The following GUCY1A2 variants were observed in gnomAD, a reference collection of about 807,000 sequenced individuals.
GUCY1A2 encodes the protein guanylate cyclase 1 soluble subunit alpha 2, also known as guanylate cyclase soluble subunit alpha-2.
In GUCY1A2, 27 loss-of-function variants were observed where a neutral mutation model predicts 63.5. The ratio of observed to expected loss-of-function variants is 0.43; its 90% CI spans 0.31 to 0.59. GUCY1A2 has a LOEUF of 0.59. Among genes scored for constraint, GUCY1A2 ranks in the 20% least tolerant of loss-of-function variants. The pLI is 0.11. For synonymous variants in GUCY1A2, 364 were observed against 343.5 expected (o/e 1.06, Z -0.66); for missense variants, 768 against 913.3 (o/e 0.84, Z 2.05).
chr11:106,812,262 C>T (rs1446893073), intron 4 of GUCY1A2, among the ~76,000 whole-genome samples: 1 of 151,892 alleles, frequency 6.6e-6, no homozygotes, highest in African/African-American at 2.4e-5. Context: ...ATGATAACAT[C>T]TGATACTCAT....
At chr11:107,008,714 T>C (rs987722390) in intron 1 of GUCY1A2, among the ~76,000 whole-genome samples, 1 of 152,152 alleles carries the variant, frequency 6.6e-6, no homozygotes, top group African/African-American at 2.4e-5. Context: ...ATAAGTCCCA[T>C]AATGGAGATG....
At chr11:106,823,691 A>G (rs1177876882) in intron 4 of GUCY1A2, among the ~76,000 whole-genome samples, 1 of 152,116 alleles carries the variant, frequency 6.6e-6, no homozygotes, top group East Asian at 1.9e-4. Flanking sequence ...ATTCCCACCA[A>G]CAGTGTGTTC....
At chr11:106,890,756 A>T (rs925393111) in intron 4 of GUCY1A2, among the ~76,000 whole-genome samples, 1 of 152,170 alleles carries the variant, frequency 6.6e-6, no homozygotes, top group African/African-American at 2.4e-5. Flanking sequence ...AATATCATTT[A>T]AAAAACATTA....
At chr11:106,789,116 T>C (rs1411579887) in intron 5 of GUCY1A2, among the ~76,000 whole-genome samples, 1 of 152,218 alleles carries the variant, frequency 6.6e-6, no homozygotes, top group Non-Finnish European at 1.5e-5. Flanking sequence ...ATTTCTTGAA[T>C]CAATGTTATA....
At chr11:106,765,185 A>T (rs922214081) in intron 6 of GUCY1A2, among the ~76,000 whole-genome samples, 6 of 152,044 alleles carry the variant, frequency 3.9e-5, no homozygotes, top group Non-Finnish European at 8.8e-5. Flanking sequence ...TGTCAAGCTA[A>T]CCCCTACCAC....
chr11:106,881,192 G>A (rs945938606), intron 4 of GUCY1A2, among the ~76,000 whole-genome samples: 9 of 152,020 alleles, frequency 5.9e-5, no homozygotes, highest in Middle Eastern at 3.4e-3. Context: ...TTGGAAGTCC[G>A]TCCTATAATA....
chr11:106,871,897 A>T (rs891159743), intron 4 of GUCY1A2, among the ~76,000 whole-genome samples: 2 of 152,198 alleles, frequency 1.3e-5, no homozygotes, highest in Non-Finnish European at 2.9e-5. Flanking sequence ...AGGTGAATTA[A>T]ACTAATTAGT....
At chr11:106,953,110 T>A (rs566405232) in intron 3 of GUCY1A2, among the ~76,000 whole-genome samples, 5 of 152,278 alleles carry the variant, frequency 3.3e-5, no homozygotes, top group South Asian at 4.1e-4. Context: ...CTTGTACCAG[T>A]TTTTAAAGGA....
chr11:106,909,940 A>G (rs1267644726), intron 4 of GUCY1A2, among the ~76,000 whole-genome samples: 2 of 151,942 alleles, frequency 1.3e-5, no homozygotes, highest in Non-Finnish European at 2.9e-5. Context: ...TGGTCTTTGG[A>G]AGGTAAATTG....
In GUCY1A2 at chr11:106,682,575, AC is replaced by A. The variant is rs1862450230; in HGVS notation, c.*4973del. Reference sequence around the variant, plus strand: ...GATGGCAATGAGGTACTTAACTGAAACCGTGATCTGGTTATAACATATTAGA... The same window carrying A: ...GATGGCAATGAGGTACTTAACTGAAACGTGATCTGGTTATAACATATTAGA... On this transcript the variant is annotated 3_prime_UTR_variant, in exon 8 of 8. Coordinates refer to ENST00000526355, the MANE Select transcript of GUCY1A2 (RefSeq NM_000855.3). 1 of 212,614 alleles carries A rather than the reference AC, an allele frequency of 4.7e-6. No homozygotes were observed. Among genetic ancestry groups the A allele is most frequent in the East Asian group, 7.0e-5 (1 of 14,242 alleles). 13.2% of individuals were successfully genotyped at this position (212,614 alleles called of 1,614,324 possible).
chr11:106,733,227 T>G (rs1164459820), intron 6 of GUCY1A2, among the ~76,000 whole-genome samples: 1 of 152,180 alleles, frequency 6.6e-6, no homozygotes, highest in Non-Finnish European at 1.5e-5. Flanking sequence ...ATGAATCTTT[T>G]TTAGTTAGAT....
At chr11:106,796,362 G>A (rs1864760386) in intron 5 of GUCY1A2, among the ~76,000 whole-genome samples, 1 of 152,130 alleles carries the variant, frequency 6.6e-6, no homozygotes. Context: ...AATTTAGCTG[G>A]TTATTTTGCT....
In GUCY1A2 at chr11:106,680,525, A is replaced by T. The variant is rs1424520618; in HGVS notation, c.*7024T>A. ...TAAGTCTAATATAAAGAATGATCTG[A>T]TCAGCAACTAGCTGAATTAACTGGA... On this transcript the variant is annotated 3_prime_UTR_variant, in exon 8 of 8. Transcript: ENST00000526355. 1 of 197,934 alleles carries T rather than the reference A, an allele frequency of 5.1e-6. No individual in the cohort carries two copies. The highest frequency in any genetic ancestry group is 1.0e-5 in the Non-Finnish European group (1 of 95,806). The allele number at this position is 197,934 out of a possible 1,614,324, so 12.3% of individuals were successfully genotyped here. A position where few individuals can be genotyped will look rare whatever the true frequency, so the allele number is the denominator to read the frequency against.
intron 4 of GUCY1A2, among the ~76,000 whole-genome samples, chr11:106,846,030 G>A (rs571225183): frequency 2.0e-5 from 3 of 151,450 alleles, no homozygotes; most frequent in East Asian, 3.9e-4. Context: ...CTAATCATGA[G>A]GAAACAATCA....
At chr11:106,856,093 AT>A (rs962824387) in intron 4 of GUCY1A2, among the ~76,000 whole-genome samples, 22 of 138,874 alleles carry the variant, frequency 1.6e-4, no homozygotes, top group African/African-American at 4.2e-4. Flanking sequence ...ACCTGGCTAA[AT>A]TTTTTTTTGT....
At chr11:106,748,413 A>C (rs2135383525) in intron 6 of GUCY1A2, among the ~76,000 whole-genome samples, 1 of 152,292 alleles carries the variant, frequency 6.6e-6, no homozygotes, top group Non-Finnish European at 1.5e-5. Flanking sequence ...TGTATATACG[A>C]ATTCTCCTCA....
chr11:107,005,016 G>C (rs929391537), intron 1 of GUCY1A2, among the ~76,000 whole-genome samples: 2 of 152,180 alleles, frequency 1.3e-5, no homozygotes, highest in African/African-American at 4.8e-5. Context: ...CATTAATATT[G>C]TGAGTATTTA....
At chr11:106,801,195 C>T (rs188594282) in intron 5 of GUCY1A2, among the ~76,000 whole-genome samples, 1 of 152,208 alleles carries the variant, frequency 6.6e-6, no homozygotes, top group East Asian at 1.9e-4. Context: ...TATATTTTTA[C>T]CTCTAGGGTA....
At chr11:106,804,529 C>G (rs905534204) in intron 5 of GUCY1A2, among the ~76,000 whole-genome samples, 11 of 152,154 alleles carry the variant, frequency 7.2e-5, no homozygotes, top group African/African-American at 2.7e-4. Flanking sequence ...TTTCATTTTT[C>G]TGTGAAATCT....
Sources: allele counts gnomAD v4.1 joint callset (sites outside exome capture counted in the v4.1 genomes callset), GRCh38; gene constraint gnomAD v4.1.1; transcripts MANE v1.5; gene names NCBI Gene and HGNC (gene_info 2026-07-23, HGNC 2026-07-21).